The following SCG3 variants were observed in gnomAD, a reference collection of about 807,000 sequenced individuals.
The protein encoded by SCG3 is secretogranin III, also known as secretogranin-3.
Under a neutral mutation model 56.2 loss-of-function variants are expected in SCG3, and 38 were observed. The observed-to-expected ratio is 0.68, with a 90% CI of 0.52 to 0.89. The LOEUF is 0.89. Among genes scored for constraint, SCG3 ranks in the 40% least tolerant of loss-of-function variants. The pLI, the probability that SCG3 is intolerant of heterozygous loss-of-function variation, is 0.00. For missense variants in SCG3, 524 were observed against 540.7 expected (o/e 0.97, Z 0.31); for synonymous variants, 176 against 184.2 (o/e 0.96, Z 0.36).
At chr15:51,713,234 T>C (rs1200905453) in intron 10 of SCG3, 99 bp from the exon 11 acceptor site, 2 of 768,170 alleles carry the variant, frequency 2.6e-6, no homozygotes, top group African/African-American at 1.8e-5. Flanking sequence ...AAATGCTGCA[T>C]AAGTCTAATA....
intron 4 of SCG3, among the ~76,000 whole-genome samples, chr15:51,685,790 T>G (rs1298070904): frequency 6.6e-6 from 1 of 152,230 alleles, no homozygotes; most frequent in Non-Finnish European, 1.5e-5. Flanking sequence ...TTTTCAGTGT[T>G]TTCTATAGTA....
At position 51,720,146 on chromosome 15, in the gene SCG3, C is replaced by T. The variant is rs2141586717; in HGVS notation, c.*620C>T. ...AATTTCCCCCTGTTCTTAACACTTC[C>T]TATTAGTGACTTTTCAGACATTGAG... On this transcript the variant is annotated 3_prime_UTR_variant, in exon 12 of 12. Transcript: ENST00000220478. 1 of 152,340 alleles carries T rather than the reference C, an allele frequency of 6.6e-6. No homozygotes were observed. Among genetic ancestry groups the T allele is most frequent in the Admixed American group, 6.5e-5 (1 of 15,306 alleles). The allele number at this position is 152,340 out of a possible 1,614,324, so 9.4% of individuals were successfully genotyped here. A position where few individuals can be genotyped will look rare whatever the true frequency, so the allele number is the denominator to read the frequency against.
chr15:51,695,763 A>AAG, intron 7 of SCG3, 112 bp from the exon 8 acceptor site: 1 of 262,580 alleles, frequency 3.8e-6, no homozygotes, highest in Admixed American at 5.4e-5. Flanking sequence ...CTCGTCTTTG[A>AAG]AAAAAAAAAA....
chr15:51,689,489 G>A (rs1000193278), intron 6 of SCG3, 121 bp downstream of exon 6: 2 of 1,265,506 alleles, frequency 1.6e-6, no homozygotes, highest in Non-Finnish European at 2.1e-6. Flanking sequence ...TGAGGTATGT[G>A]GCATTTTTAG....
chr15:51,701,184 T>A lies in SCG3; in HGVS notation c.1147T>A (p.Leu383Met). 6.2e-7 allele frequency: 1 copy of A among 1,612,766 alleles called. No individual in the cohort carries two copies. The highest frequency in any genetic ancestry group is 1.1e-5 in the South Asian group (1 of 90,816). Reference sequence around the variant, plus strand: ...TAAGATGGAAAAGGAATATGGAAGCTTGAAGGATTCCACAAAAGATGATAA... The same window carrying A: ...TAAGATGGAAAAGGAATATGGAAGCATGAAGGATTCCACAAAAGATGATAA... ...AAKMEKEYGS[L>M]KDSTKDDNSN... Residue 383 changes from leucine to methionine, a missense_variant, in exon 10 of 12, where the codon TTG becomes ATG. Transcript: ENST00000220478.
At chr15:51,704,759 T>TC (rs1675222537) in intron 10 of SCG3, among the ~76,000 whole-genome samples, 2 of 31,854 alleles carry the variant, frequency 6.3e-5, no homozygotes, top group Non-Finnish European at 1.8e-4. Flanking sequence ...CTGTTGTGAG[T>TC]AATACATATA....
chr15:51,709,696 TATATA>T (rs1342321283), intron 10 of SCG3, among the ~76,000 whole-genome samples: 37 of 15,956 alleles, frequency 2.3e-3, no homozygotes, highest in African/African-American at 5.0e-3. Flanking sequence ...TATATATATA[TATATA>T]TTTTTTTTTT....
chr15:51,686,025 C>T (rs1193708815), intron 4 of SCG3, among the ~76,000 whole-genome samples: 3 of 152,146 alleles, frequency 2.0e-5, no homozygotes, highest in Non-Finnish European at 4.4e-5. Flanking sequence ...ATGTCAAGTG[C>T]TATGTTAGAT....
At position 51,689,344 on chromosome 15, in the gene SCG3, G is replaced by A; in HGVS notation, c.666G>A (p.Gln222=). Residue 222 remains glutamine, a synonymous_variant, in exon 6 of 12, where the codon CAG becomes CAA. Coordinates refer to ENST00000220478, the MANE Select transcript of SCG3 (RefSeq NM_013243.4). ...PNKPTSWTEN[Q]AGKIPEKVTP... ...AGCCCACAAGCTGGACTGAGAATCA[G>A]GCTGGAAAAATACCAGAGAAAGTGG... The A allele has an allele frequency of 6.2e-7, 1 of 1,613,684 alleles. No homozygotes were observed. The highest frequency in any genetic ancestry group is 1.1e-5 in the South Asian group (1 of 91,060).
chr15:51,684,401 A>G (rs550148439), intron 4 of SCG3, among the ~76,000 whole-genome samples: 9 of 152,234 alleles, frequency 5.9e-5, no homozygotes, highest in Non-Finnish European at 1.3e-4. Context: ...ACATGGTGAA[A>G]CCCCATCTCT....
chr15:51,695,805 A>G (rs1268692707), intron 7 of SCG3, 70 bp from the exon 8 acceptor site: 2 of 856,976 alleles, frequency 2.3e-6, no homozygotes, highest in East Asian at 2.4e-5. Flanking sequence ...AAGATGCTGT[A>G]CTTTATAAAT....
At chr15:51,687,533 G>A (rs1726567387) in intron 4 of SCG3, among the ~76,000 whole-genome samples, 1 of 152,196 alleles carries the variant, frequency 6.6e-6, no homozygotes, top group African/African-American at 2.4e-5. Flanking sequence ...GAGAGCCAAG[G>A]GAGCATATGA....
intron 10 of SCG3, among the ~76,000 whole-genome samples, chr15:51,708,875 C>T (rs2055393309): frequency 6.6e-6 from 1 of 151,880 alleles, no homozygotes; most frequent in South Asian, 2.1e-4. Flanking sequence ...AAAAGAAAAC[C>T]ACTGCCTTGT....
intron 7 of SCG3, among the ~76,000 whole-genome samples, chr15:51,694,810 C>T (rs1350361392): frequency 3.3e-5 from 5 of 152,146 alleles, no homozygotes; most frequent in Non-Finnish European, 4.4e-5. Flanking sequence ...GAGGGCGGAT[C>T]GCCTGAGGTC....
chr15:51,701,167 A>T lies in SCG3; in HGVS notation c.1130A>T (p.Glu377Val). The T allele has an allele frequency of 6.2e-7, 1 of 1,613,518 alleles. No individual in the cohort carries two copies. The highest frequency in any genetic ancestry group is 8.5e-7 in the Non-Finnish European group (1 of 1,179,780). The change falls in exon 10 of 12, where the codon GAA becomes GTA. Residue 377 changes from glutamate to valine, a missense_variant. By Grantham distance (121) the Glu-to-Val change is moderately radical. Coordinates refer to ENST00000220478, the MANE Select transcript of SCG3 (RefSeq NM_013243.4). ...DSTKEEAAKM[E>V]KEYGSLKDST... ...ACCAAGGAAGAAGCAGCTAAGATGG[A>T]AAAGGAATATGGAAGCTTGAAGGAT...
intron 6 of SCG3, among the ~76,000 whole-genome samples, chr15:51,690,655 A>G (rs1353910432): frequency 6.6e-6 from 1 of 151,248 alleles, no homozygotes; most frequent in Admixed American, 6.6e-5. Context: ...GATTTATCAA[A>G]AAAAAAAACC....
Position 51,681,734 on chromosome 15 carries a change from G to C in SCG3, c.-22G>C. The C allele has an allele frequency of 6.2e-7, 1 of 1,605,926 alleles. No homozygotes were observed. The highest frequency in any genetic ancestry group is 1.1e-5 in the South Asian group (1 of 90,780). On this transcript the variant is annotated 5_prime_UTR_variant, in exon 1 of 12. Transcript: ENST00000220478. The stretch of plus-strand genomic sequence containing the variant: ...CTCCAGGAGCCCAGCGCCGGGCTGT[G>C]ACCCAAGCCGAGCGTGGAAGAATGG...
At chr15:51,717,102 G>A (rs2055461610) in intron 11 of SCG3, among the ~76,000 whole-genome samples, 1 of 152,152 alleles carries the variant, frequency 6.6e-6, no homozygotes, top group South Asian at 2.1e-4. Flanking sequence ...AGGCACAGTG[G>A]TTCACACCTG....
At chr15:51,700,471 T>C (rs778247740) in intron 9 of SCG3, among the ~76,000 whole-genome samples, 1 of 152,184 alleles carries the variant, frequency 6.6e-6, no homozygotes, top group Non-Finnish European at 1.5e-5. Flanking sequence ...CATGGAAATA[T>C]GGTTATTTTA....
Sources: allele counts gnomAD v4.1 joint callset (sites outside exome capture counted in the v4.1 genomes callset), GRCh38; gene constraint gnomAD v4.1.1; transcripts MANE v1.5; gene names NCBI Gene and HGNC (gene_info 2026-07-23, HGNC 2026-07-21).